EPHA5: variants seen among roughly 807,000 people sequenced by gnomAD.
The protein encoded by EPHA5 is ephrin type-A receptor 5.
EPHA5 carries 60 observed loss-of-function variants against 105.0 expected under a neutral mutation model. The ratio of observed to expected loss-of-function variants is 0.57; its 90% CI spans 0.46 to 0.71. The LOEUF is 0.71. Among genes scored for constraint, EPHA5 ranks in the 30% least tolerant of loss-of-function variants. EPHA5 has a pLI of 0.00. For missense variants in EPHA5, 1,218 were observed against 1,274.7 expected, an observed-to-expected ratio of 0.96 and a Z score of 0.68; for synonymous variants, 513 against 449.1, an observed-to-expected ratio of 1.14 and a Z score of -1.80.
chr4:65,442,533 A>G (rs1204362884), intron 5 of EPHA5, among the ~76,000 whole-genome samples: 1 of 152,188 alleles, frequency 6.6e-6, no homozygotes, highest in Non-Finnish European at 1.5e-5. Flanking sequence ...TCTTTGTGTT[A>G]TACTGACTCC....
At chr4:65,398,413 G>A (rs1039185860) in intron 8 of EPHA5, among the ~76,000 whole-genome samples, 1 of 152,092 alleles carries the variant, frequency 6.6e-6, no homozygotes, top group Non-Finnish European at 1.5e-5. Flanking sequence ...AGCATGAACA[G>A]CCTGGGTGCT....
chr4:65,502,733 A>G (rs1413811771), intron 3 of EPHA5, among the ~76,000 whole-genome samples: 2 of 152,038 alleles, frequency 1.3e-5, no homozygotes, highest in African/African-American at 2.4e-5. Flanking sequence ...CAACCCAGTG[A>G]TTCTATTACT....
chr4:65,590,060 A>G (rs1318171877), intron 3 of EPHA5, among the ~76,000 whole-genome samples: 3 of 152,206 alleles, frequency 2.0e-5, no homozygotes, highest in Non-Finnish European at 4.4e-5. Flanking sequence ...GGAACTTTCC[A>G]GCATTCATTC....
chr4:65,562,432 T>C (rs1041623436), intron 3 of EPHA5, among the ~76,000 whole-genome samples: 4 of 152,010 alleles, frequency 2.6e-5, no homozygotes, highest in Non-Finnish European at 5.9e-5. Flanking sequence ...AACCCCCTCA[T>C]GTTTTAGGGG....
At chr4:65,550,572 A>T (rs1472001581) in intron 3 of EPHA5, among the ~76,000 whole-genome samples, 4 of 152,180 alleles carry the variant, frequency 2.6e-5, no homozygotes, top group African/African-American at 4.8e-5. Flanking sequence ...GCGGTGGCTC[A>T]CGTCTGTAAT....
Position 65,521,231 on chromosome 4 carries a change from A to G in EPHA5, c.911-25688T>C, listed in dbSNP as rs148916931. On this transcript the variant is annotated intron_variant, in intron 3 of 16. Transcript: ENST00000613740. ...TGAGTTCATGTCCTTTGTAGGGAAT[A>G]GATGAAGCTGGAAACCATCATTCTC... Among the ~76,000 whole-genome samples, 881 of 151,988 alleles carry G rather than the reference A, an allele frequency of 5.8e-3. 14 individuals are homozygous for G. The highest frequency in any genetic ancestry group is 0.02 in the African/African-American group (835 of 41,518).
intron 2 of EPHA5, among the ~76,000 whole-genome samples, chr4:65,604,174 A>G (rs1248545514): frequency 6.6e-6 from 1 of 152,202 alleles, no homozygotes; most frequent in African/African-American, 2.4e-5. Flanking sequence ...CCTAGCAAGT[A>G]AAAGCAAGCA....
rs146549015 is a variant in EPHA5 at position 65,636,391 on chromosome 4, C to A, written c.246+6972G>T. 2.3e-3 allele frequency among the ~76,000 whole-genome samples: 357 copies of A among 152,202 alleles called. 1 individual carries two copies. Among genetic ancestry groups the A allele is most frequent in the African/African-American group, 8.2e-3 (342 of 41,534 alleles). On this transcript the variant is annotated intron_variant, in intron 2 of 16. Transcript: ENST00000613740. ...AGAACCTGGTCGTTACTCTGAAAAC[C>A]TAACCATTTAGAGTAGCTCATGTCT...
rs1439793410 is a variant in EPHA5 at position 65,669,766 on chromosome 4, C to T, written c.-24G>A. The T allele has an allele frequency of 2.4e-6, 3 of 1,250,540 alleles. No individual in the cohort carries two copies. The highest frequency in any genetic ancestry group is 2.0e-6 in the Non-Finnish European group (2 of 997,306). 77.5% of individuals were successfully genotyped at this position (1,250,540 alleles called of 1,614,324 possible). The stretch of plus-strand genomic sequence containing the variant: ...ATCTTCTCCGAGCCTCCTCCGGTGC[C>T]GCTGTCCCGAGCGGCTCAGTCCACC... On this transcript the variant is annotated 5_prime_UTR_variant, in exon 1 of 17. Coordinates refer to ENST00000613740, the MANE Select transcript of EPHA5 (RefSeq NM_001281766.3).
chr4:65,339,198 G>C (rs946005536), intron 14 of EPHA5, among the ~76,000 whole-genome samples: 2 of 151,976 alleles, frequency 1.3e-5, no homozygotes, highest in African/African-American at 4.8e-5. Flanking sequence ...GTGGCTCTCT[G>C]GGCTCCTTCT....
chr4:65,483,012 C>A (rs554129672), intron 5 of EPHA5, among the ~76,000 whole-genome samples: 2 of 152,192 alleles, frequency 1.3e-5, no homozygotes, highest in South Asian at 4.1e-4. Flanking sequence ...CCTCCTCACG[C>A]CCTCCACCCC....
intron 15 of EPHA5, among the ~76,000 whole-genome samples, chr4:65,335,143 G>A (rs1249748176): frequency 6.6e-6 from 1 of 151,914 alleles, no homozygotes; most frequent in African/African-American, 2.4e-5. Context: ...AGCCAATTTA[G>A]TTATTAACAT....
intron 8 of EPHA5, among the ~76,000 whole-genome samples, chr4:65,402,890 C>T (rs1721986318): frequency 6.6e-6 from 1 of 152,046 alleles, no homozygotes. Flanking sequence ...GCTTATCTTC[C>T]AGAAAGCAGG....
At chr4:65,632,586 T>C (rs929441643) in intron 2 of EPHA5, among the ~76,000 whole-genome samples, 1 of 151,646 alleles carries the variant, frequency 6.6e-6, no homozygotes, top group African/African-American at 2.4e-5. Context: ...CAATCCCTTC[T>C]TCCTAAAGAT....
intron 3 of EPHA5, among the ~76,000 whole-genome samples, chr4:65,500,760 T>C (rs1732406727): frequency 6.6e-6 from 1 of 150,578 alleles, no homozygotes; most frequent in African/African-American, 2.4e-5. Flanking sequence ...ATTACTGTTT[T>C]AATACTTTAA....
chr4:65,464,627 A>G (rs979276094), intron 5 of EPHA5, among the ~76,000 whole-genome samples: 1 of 152,252 alleles, frequency 6.6e-6, no homozygotes, highest in Non-Finnish European at 1.5e-5. Flanking sequence ...TAAATTAAGC[A>G]GGACTATTTA....
At chr4:65,589,299 A>T (rs552010994) in intron 3 of EPHA5, among the ~76,000 whole-genome samples, 125 of 152,030 alleles carry the variant, frequency 8.2e-4, no homozygotes, top group African/African-American at 2.9e-3. Context: ...CTGAATTTAA[A>T]TTTTTTTTCA....
At chr4:65,362,979 A>G (rs532420913) in intron 11 of EPHA5, among the ~76,000 whole-genome samples, 9 of 151,818 alleles carry the variant, frequency 5.9e-5, no homozygotes, top group African/African-American at 2.2e-4. Flanking sequence ...TCATGTACGC[A>G]TAGTGTTCAA....
intron 6 of EPHA5, among the ~76,000 whole-genome samples, chr4:65,416,519 T>TC (rs66893334): frequency 0.8 from 121,908 of 151,626 alleles, 49,359 homozygotes; most frequent in South Asian, 0.92. Flanking sequence ...TTTAAAAGCT[T>TC]CCACAGTTGT....
Sources: gnomAD v4.1 joint callset for allele counts (sites outside exome capture counted in the v4.1 genomes callset) on GRCh38, gnomAD v4.1.1 for gene constraint, MANE v1.5 for transcripts, NCBI Gene and HGNC (gene_info 2026-07-23, HGNC 2026-07-21) for gene names.